ADGRL2: variants seen among roughly 807,000 people sequenced by gnomAD.
ADGRL2 encodes the protein adhesion G protein-coupled receptor L2, also known as calcium-independent alpha-latrotoxin receptor 2.
A neutral mutation model predicts 157.4 loss-of-function variants in ADGRL2; 44 were observed. The observed-to-expected ratio is 0.28, with a 90% CI of 0.22 to 0.36. The LOEUF (loss-of-function observed/expected upper bound fraction) is 0.36. ADGRL2 is among the 10% of genes least tolerant of loss of function. The pLI is 1.00. For missense variants in ADGRL2, 1,510 were observed against 1,768.9 expected, an observed-to-expected ratio of 0.85 and a Z score of 2.63; for synonymous variants, 585 against 624.7, an observed-to-expected ratio of 0.94 and a Z score of 0.95.
chr1:81,520,529 T>C (rs907701208), intron 2 of ADGRL2, among the ~76,000 whole-genome samples: 9 of 152,148 alleles, frequency 5.9e-5, no homozygotes, highest in Non-Finnish European at 1.0e-4. Context: ...AGGGAGATGA[T>C]TGGATCATGG....
At chr1:81,748,858 G>A (rs987060228) in intron 1 of ADGRL2, among the ~76,000 whole-genome samples, 2 of 151,866 alleles carry the variant, frequency 1.3e-5, no homozygotes, top group Non-Finnish European at 2.9e-5. Flanking sequence ...AGTAGAGATG[G>A]GGTTTCACCA....
At chr1:81,592,892 A>G (rs922742649) in intron 3 of ADGRL2, among the ~76,000 whole-genome samples, 5 of 152,104 alleles carry the variant, frequency 3.3e-5, no homozygotes, top group African/African-American at 1.2e-4. Flanking sequence ...GAATGGCCCA[A>G]GTAAAGCAAT....
intron 2 of ADGRL2, among the ~76,000 whole-genome samples, chr1:81,516,937 A>G (rs1234577958): frequency 6.6e-6 from 1 of 151,920 alleles, no homozygotes; most frequent in Non-Finnish European, 1.5e-5. Context: ...ACTTGCATAC[A>G]GTGGGTGGTT....
chr1:81,947,453 T>C (rs1050328572), intron 6 of ADGRL2, among the ~76,000 whole-genome samples: 1 of 152,194 alleles, frequency 6.6e-6, no homozygotes, highest in Non-Finnish European at 1.5e-5. Flanking sequence ...TTTAAGAGTA[T>C]GGGAAAGTGA....
intron 3 of ADGRL2, among the ~76,000 whole-genome samples, chr1:81,602,730 C>A (rs1175773624): frequency 6.6e-6 from 1 of 151,902 alleles, no homozygotes; most frequent in African/African-American, 2.4e-5. Context: ...AAAACCCTAT[C>A]CCTACTAAGA....
At chr1:81,602,583 C>T (rs1570612125) in intron 3 of ADGRL2, among the ~76,000 whole-genome samples, 1 of 151,294 alleles carries the variant, frequency 6.6e-6, no homozygotes, top group East Asian at 2.0e-4. Context: ...CAGAGCAAGA[C>T]TCAGTCTCAA....
chr1:81,743,528 G>A (rs2085145116), intron 1 of ADGRL2, among the ~76,000 whole-genome samples: 1 of 151,444 alleles, frequency 6.6e-6, no homozygotes, highest in African/African-American at 2.4e-5. Flanking sequence ...TTTATAGGAT[G>A]TACCTTAGGA....
intron 1 of ADGRL2, among the ~76,000 whole-genome samples, chr1:81,356,971 A>AAGAAG (rs1553156788): frequency 3.0e-5 from 3 of 99,402 alleles, no homozygotes; most frequent in South Asian, 4.7e-4. Flanking sequence ...AAAAAAAAAA[A>AAGAAG]AAGAAGTTGT....
intron 3 of ADGRL2, among the ~76,000 whole-genome samples, chr1:81,673,650 G>A (rs1328561081): frequency 2.0e-5 from 3 of 151,674 alleles, no homozygotes; most frequent in Non-Finnish European, 2.9e-5. Context: ...AAGGAGCTGG[G>A]ACTACAGGCG....
intron 11 of ADGRL2, among the ~76,000 whole-genome samples, chr1:81,964,702 G>T (rs1170193308): frequency 6.6e-6 from 1 of 151,848 alleles, no homozygotes; most frequent in Non-Finnish European, 1.5e-5. Flanking sequence ...AATAAAAAGG[G>T]GATTGTAGGT....
At chr1:81,781,972 A>G (rs2086832244) in intron 2 of ADGRL2, among the ~76,000 whole-genome samples, 1 of 152,216 alleles carries the variant, frequency 6.6e-6, no homozygotes, top group African/African-American at 2.4e-5. Flanking sequence ...GGAAGAGCAG[A>G]CAAAGTCAGA....
At chr1:81,921,843 G>A (rs1329441423) in intron 3 of ADGRL2, among the ~76,000 whole-genome samples, 1 of 152,084 alleles carries the variant, frequency 6.6e-6, no homozygotes, top group Admixed American at 6.5e-5. Context: ...ATGATATCTT[G>A]TCTTTCATTG....
chr1:81,661,427 A>G (rs1344780940), intron 3 of ADGRL2, among the ~76,000 whole-genome samples: 3 of 152,218 alleles, frequency 2.0e-5, no homozygotes, highest in Non-Finnish European at 4.4e-5. Flanking sequence ...CAAAGCTTAT[A>G]GAAAAATAAA....
intron 2 of ADGRL2, among the ~76,000 whole-genome samples, chr1:81,570,608 C>T (rs763374547): frequency 6.6e-6 from 1 of 152,080 alleles, no homozygotes; most frequent in Non-Finnish European, 1.5e-5. Context: ...AGGTTGGTCT[C>T]GAACTCCTGA....
intron 2 of ADGRL2, among the ~76,000 whole-genome samples, chr1:81,529,319 A>G (rs1250065108): frequency 6.6e-6 from 1 of 152,220 alleles, no homozygotes; most frequent in Non-Finnish European, 1.5e-5. Context: ...AATCCAGAGC[A>G]TTTGGTGACT....
chr1:81,670,425 A>G (rs1331567584), intron 3 of ADGRL2, among the ~76,000 whole-genome samples: 1 of 152,144 alleles, frequency 6.6e-6, no homozygotes, highest in Admixed American at 6.6e-5. Context: ...CTGTGCTTGT[A>G]TATGTAGGAA....
chr1:81,517,023 T>G (rs2079193493), intron 2 of ADGRL2, among the ~76,000 whole-genome samples: 1 of 152,132 alleles, frequency 6.6e-6, no homozygotes, highest in Non-Finnish European at 1.5e-5. Context: ...TTTAAATGCC[T>G]TTAGCCCATT....
At chr1:81,327,839 G>A (rs760060060) in intron 1 of ADGRL2, among the ~76,000 whole-genome samples, 6 of 152,026 alleles carry the variant, frequency 3.9e-5, no homozygotes, top group Non-Finnish European at 7.4e-5. Flanking sequence ...CGTTTAAAAC[G>A]TATAGGTCAT....
intron 7 of ADGRL2, among the ~76,000 whole-genome samples, 198 bp downstream of exon 7, chr1:81,950,680 C>G (rs187431723): frequency 1.3e-5 from 2 of 152,248 alleles, no homozygotes; most frequent in Admixed American, 6.5e-5. Flanking sequence ...AATTACCTCT[C>G]CCTTTCAGAG....
Sources: gnomAD v4.1 joint callset for allele counts (sites outside exome capture counted in the v4.1 genomes callset) on GRCh38, gnomAD v4.1.1 for gene constraint, MANE v1.5 for transcripts, NCBI Gene and HGNC (gene_info 2026-07-23, HGNC 2026-07-21) for gene names.